The following ADGRG5 variants were observed in gnomAD, a reference collection of about 807,000 sequenced individuals.
ADGRG5 encodes adhesion G protein-coupled receptor G5, also known as G protein-coupled receptor 114.
A neutral mutation model predicts 53.2 loss-of-function variants in ADGRG5; 37 were observed. The ratio of observed to expected loss-of-function variants is 0.70; its 90% CI spans 0.53 to 0.91. The LOEUF is 0.91. Ranked by LOEUF, ADGRG5 falls within the 40% of genes least tolerant of loss-of-function variation. The probability of loss-of-function intolerance (pLI) is 0.00; values close to 1 mark genes in which losing one functional copy is unlikely to be tolerated. For synonymous variants in ADGRG5, 277 were observed against 290.4 expected (o/e 0.95, Z 0.47); for missense variants, 614 against 675.8 (o/e 0.91, Z 1.01).
chr16:57,545,234 A>T (rs1316926633), intron 1 of ADGRG5, among the ~76,000 whole-genome samples: 1 of 152,276 alleles, frequency 6.6e-6, no homozygotes, highest in African/African-American at 2.4e-5. Flanking sequence ...TATATTTAAA[A>T]AATTCATGTT....
rs1040749932 is a variant in ADGRG5 at position 57,564,802 on chromosome 16, G to A, written c.430-232G>A. Among the ~76,000 whole-genome samples the A allele has an allele frequency of 3.9e-5, 6 of 152,250 alleles. 1 individual carries two copies. In the Middle Eastern group the frequency reaches 0.01, roughly 259 times the overall value. On this transcript the variant is annotated intron_variant, in intron 5 of 11. Coordinates refer to ENST00000349457, the MANE Select transcript of ADGRG5 (RefSeq NM_001304376.3). ...GGCGTGAGGCTGGAATGCATTAAAC[G>A]AATGGGAGGTGGAGCAGGGGGTGGT...
At chr16:57,546,418 G>A (rs557076984) in intron 1 of ADGRG5, among the ~76,000 whole-genome samples, 14 of 152,214 alleles carry the variant, frequency 9.2e-5, no homozygotes, top group African/African-American at 1.2e-4. Flanking sequence ...GAGCTACCAC[G>A]CCCCGCCATT....
intron 10 of ADGRG5, among the ~76,000 whole-genome samples, chr16:57,572,066 A>C (rs1596801009): frequency 6.7e-6 from 1 of 149,338 alleles, no homozygotes; most frequent in African/African-American, 2.5e-5. Context: ...GGTCTTCCTC[A>C]CTCTGCCCTC....
intron 1 of ADGRG5, among the ~76,000 whole-genome samples, chr16:57,557,093 A>G (rs1304950863): frequency 6.6e-6 from 1 of 151,868 alleles, no homozygotes; most frequent in Non-Finnish European, 1.5e-5. Context: ...TATATTTTCT[A>G]GAGACGGGTT....
chr16:57,536,094 G>A, the ADGRG5 span, among the ~76,000 whole-genome samples: 1 of 151,766 alleles, frequency 6.6e-6, no homozygotes, highest in Non-Finnish European at 1.5e-5. Flanking sequence ...CAGTCGCCGC[G>A]GCTCTGGGCA....
chr16:57,533,198 G>C, the ADGRG5 span, among the ~76,000 whole-genome samples: 1 of 152,182 alleles, frequency 6.6e-6, no homozygotes, highest in Admixed American at 6.5e-5. Context: ...AGAAGGAAAG[G>C]GCACAGCAGG....
intron 5 of ADGRG5, 151 bp from the exon 6 acceptor site, chr16:57,564,883 G>C (rs2033093319): frequency 1.7e-6 from 1 of 601,238 alleles, no homozygotes; most frequent in Non-Finnish European, 2.9e-6. Flanking sequence ...GGGAGGCTGG[G>C]AAGGCTGGGA....
chr16:57,573,407 C>T (rs1021511135), intron 10 of ADGRG5, among the ~76,000 whole-genome samples: 35 of 138,844 alleles, frequency 2.5e-4, no homozygotes, highest in Admixed American at 1.6e-3. Context: ...GCACTCCAGC[C>T]TGGTGACAGA....
chr16:57,532,214 T>A, the ADGRG5 span, among the ~76,000 whole-genome samples: 1 of 152,166 alleles, frequency 6.6e-6, no homozygotes. Flanking sequence ...GGTGTGGAGC[T>A]TGGAATTTGC....
Position 57,570,453 on chromosome 16 carries a change from G to A in ADGRG5, c.1126G>A (p.Val376Ile). 1 of 1,613,380 alleles carries A rather than the reference G, an allele frequency of 6.2e-7. No individual in the cohort carries two copies. The highest frequency in any genetic ancestry group is 8.5e-7 in the Non-Finnish European group (1 of 1,179,954). ...PALLVLLSLS[V>I]KSSVYGPCTI... ...CCTCCTGGTGCTGCTTTCCCTCTCTGTCAAGAGCTCGGTATACGGACCCTG... is the reference window on the plus strand; with the variant it reads ...CCTCCTGGTGCTGCTTTCCCTCTCTATCAAGAGCTCGGTATACGGACCCTG... Residue 376 changes from valine (V) to isoleucine (I), a missense_variant, in exon 10 of 12, where the codon GTC (valine) becomes ATC (isoleucine). Physicochemically the swap from Val to Ile is conservative, Grantham distance 29. Transcript: ENST00000349457.
At chr16:57,542,055 C>G (rs1292603029), upstream of ADGRG5, among the ~76,000 whole-genome samples, 1 of 152,204 alleles carries the variant, frequency 6.6e-6, no homozygotes, top group South Asian at 2.1e-4. Context: ...GCCAGCCTTA[C>G]CTTTTGTAAG....
chr16:57,537,279 TCC>T, the ADGRG5 span, among the ~76,000 whole-genome samples: 1 of 151,342 alleles, frequency 6.6e-6, no homozygotes, highest in Admixed American at 6.6e-5. Flanking sequence ...TCTGGAGGAC[TCC>T]CCACTACATC....
At chr16:57,553,435 T>C (rs2032799512) in intron 1 of ADGRG5, among the ~76,000 whole-genome samples, 2 of 152,260 alleles carry the variant, frequency 1.3e-5, no homozygotes, top group African/African-American at 4.8e-5. Context: ...GAATCAATTA[T>C]CCTTTCTCTA....
intron 2 of ADGRG5, 87 bp from the exon 3 acceptor site, chr16:57,562,297 G>T: frequency 7.1e-7 from 1 of 1,417,206 alleles, no homozygotes; most frequent in African/African-American, 1.4e-5. Context: ...TTGTGAACTA[G>T]ACTCTCAGGG....
intron 1 of ADGRG5, among the ~76,000 whole-genome samples, chr16:57,552,566 A>G (rs543631879): frequency 6.6e-6 from 1 of 152,156 alleles, no homozygotes; most frequent in Non-Finnish European, 1.5e-5. Flanking sequence ...TTGAAGAGTT[A>G]GGGCCTTGCT....
upstream of ADGRG5, among the ~76,000 whole-genome samples, chr16:57,541,605 C>G (rs1324474922): frequency 6.6e-6 from 1 of 152,120 alleles, no homozygotes; most frequent in Non-Finnish European, 1.5e-5. Context: ...GGGAAGGGCC[C>G]CAGTGAGGCA....
At position 57,568,040 on chromosome 16, in the gene ADGRG5, G is replaced by A. The variant is rs1209065958; in HGVS notation, c.1006G>A (p.Gly336Ser). 6.2e-7 allele frequency: 1 copy of A among 1,614,014 alleles called. No homozygotes were observed. The highest frequency in any genetic ancestry group is 8.5e-7 in the Non-Finnish European group (1 of 1,179,950). ...LSCLTWMAIE[G>S]FNLYLLLGRV... ...CTGCCTCACCTGGATGGCCATCGAG[G>A]GCTTCAACCTCTACCTCCTCCTCGG... Residue 336 changes from glycine to serine, a missense_variant, in exon 9 of 12, where the codon GGC becomes AGC. Coordinates refer to ENST00000349457, the MANE Select transcript of ADGRG5 (RefSeq NM_001304376.3).
At chr16:57,569,228 CCAT>C (rs1213871837) in intron 9 of ADGRG5, among the ~76,000 whole-genome samples, 1 of 149,042 alleles carries the variant, frequency 6.7e-6, no homozygotes. Flanking sequence ...TTCACCACCA[CCAT>C]CATCTCCTTC....
At chr16:57,562,896 A>G (rs1198830835) in intron 3 of ADGRG5, among the ~76,000 whole-genome samples, 195 bp from the exon 4 acceptor site, 17 of 152,060 alleles carry the variant, frequency 1.1e-4, no homozygotes, top group African/African-American at 3.9e-4. Context: ...CCTGAACAGG[A>G]GTTAATCAAG....
Sources: allele counts gnomAD v4.1 joint callset (sites outside exome capture counted in the v4.1 genomes callset), GRCh38; gene constraint gnomAD v4.1.1; transcripts MANE v1.5; gene names NCBI Gene and HGNC (gene_info 2026-07-23, HGNC 2026-07-21).